The following CTNND1 variants were observed in gnomAD, a reference collection of about 807,000 sequenced individuals.
CTNND1 encodes catenin delta 1.
Under a neutral mutation model 112.1 loss-of-function variants are expected in CTNND1, and 16 were observed. That is an observed-to-expected ratio of 0.14 (90% confidence interval 0.10 to 0.22). The LOEUF is 0.22. CTNND1 is among the 10% of genes least tolerant of loss of function. The probability of loss-of-function intolerance (pLI) is 1.00; values close to 1 mark genes in which losing one functional copy is unlikely to be tolerated. For synonymous variants in CTNND1, 420 were observed against 446.5 expected, an observed-to-expected ratio of 0.94 and a Z score of 0.75; for missense variants, 1,008 against 1,257.0, an observed-to-expected ratio of 0.80 and a Z score of 3.00.
rs1441887619 is a variant in CTNND1, at chr11:57,796,611, C to T, written c.575C>T (p.Pro192Leu). The T allele has an allele frequency of 3.1e-6, 5 of 1,613,818 alleles. No individual in the cohort carries two copies. The highest frequency in any genetic ancestry group is 3.3e-5 in the Admixed American group (2 of 59,984). Residue 192 changes from proline (P) to leucine (L), a missense_variant, in exon 6 of 21, where the codon CCC (proline) becomes CTC (leucine). By Grantham distance (98) the Pro-to-Leu change is moderately conservative. Coordinates refer to ENST00000399050, the MANE Select transcript of CTNND1 (RefSeq NM_001085458.2). ...AAGAATGGCAATGGGGGACCTGGTC[C>T]CTATGTGGGGCAAGCTGGCACTGCT... ...FRKNGNGGPG[P>L]YVGQAGTATL...
At chr11:57,783,906 G>T (rs537138805) in intron 1 of CTNND1, among the ~76,000 whole-genome samples, 14 of 151,990 alleles carry the variant, frequency 9.2e-5, no homozygotes, top group Non-Finnish European at 1.2e-4. Flanking sequence ...AGGAGGCTTG[G>T]TATGCTATTT....
intron 1 of CTNND1, among the ~76,000 whole-genome samples, chr11:57,786,190 A>AT (rs10715396): frequency 5.9e-4 from 78 of 132,596 alleles, no homozygotes; most frequent in Middle Eastern, 4.1e-3. Flanking sequence ...GAATTCTTTG[A>AT]TTTTTTTTTT....
chr11:57,764,793 C>T (rs931862259), intron 1 of CTNND1, among the ~76,000 whole-genome samples: 1 of 152,116 alleles, frequency 6.6e-6, no homozygotes, highest in East Asian at 1.9e-4. Flanking sequence ...CTGCCATTCT[C>T]CAGAGAGAAT....
chr11:57,781,130 C>A (rs893123782), intron 1 of CTNND1, among the ~76,000 whole-genome samples: 1 of 152,002 alleles, frequency 6.6e-6, no homozygotes, highest in Non-Finnish European at 1.5e-5. Context: ...GCAGAGACAG[C>A]GTTTCACCAT....
Position 57,810,113 on chromosome 11 carries a change from C to G in CTNND1, c.2440C>G (p.Arg814Gly), listed in dbSNP as rs567503673. Residue 814 changes from arginine (R) to glycine (G), a missense_variant, in exon 16 of 21, where the codon CGC (arginine) becomes GGC (glycine). By Grantham distance (125) the Arg-to-Gly change is moderately radical. Coordinates refer to ENST00000399050, the MANE Select transcript of CTNND1 (RefSeq NM_001085458.2). Reference protein sequence around the residue: ...KLVLINKSGNRSEKEVRAAAL... With the variant: ...KLVLINKSGNGSEKEVRAAAL... ...TGGTGTTACTTTCCTCCAAAGGAAC[C>G]GCTCAGAAAAAGAAGTTCGAGCAGC... 6.2e-7 allele frequency: 1 copy of G among 1,607,512 alleles called. No homozygotes were observed. Among genetic ancestry groups the G allele is most frequent in the Non-Finnish European group, 8.5e-7 (1 of 1,177,718 alleles).
In CTNND1 at chr11:57,795,130, G is replaced by A. The variant is rs554898482; in HGVS notation, c.268-447G>A. On this transcript the variant is annotated intron_variant, in intron 4 of 20. Coordinates refer to ENST00000399050, the MANE Select transcript of CTNND1 (RefSeq NM_001085458.2). ...GATTGCTTGAGCCTGGGAGGTTGGG[G>A]CTCCAGTGAGCTATGATCATGCCAC... Among the ~76,000 whole-genome samples the A allele has an allele frequency of 4.6e-4, 70 of 152,290 alleles. 1 individual carries two copies. The South Asian group carries it at 0.014, about 31-fold the overall frequency.
chr11:57,777,490 G>A (rs1158847887), intron 1 of CTNND1, among the ~76,000 whole-genome samples: 2 of 152,072 alleles, frequency 1.3e-5, no homozygotes, highest in African/African-American at 2.4e-5. Flanking sequence ...GCCTGGTCTC[G>A]AACTCCTGAC....
chr11:57,773,536 C>T (rs1953325282), intron 1 of CTNND1, among the ~76,000 whole-genome samples: 1 of 151,458 alleles, frequency 6.6e-6, no homozygotes, highest in African/African-American at 2.4e-5. Flanking sequence ...ACTGCAACCT[C>T]CACCTCCTGG....
At chr11:57,797,312 C>T (rs1265596494) in intron 6 of CTNND1, among the ~76,000 whole-genome samples, 4 of 148,970 alleles carry the variant, frequency 2.7e-5, no homozygotes, top group East Asian at 4.0e-4. Flanking sequence ...CTCACTGCCA[C>T]CTCCGCCTCC....
chr11:57,801,829 T>A lies in CTNND1; in HGVS notation c.1053T>A (p.Asp351Glu). The change falls in exon 7 of 21, where the codon GAT becomes GAA. Residue 351 changes from aspartate to glutamate, a missense_variant. Physicochemically the swap from Asp to Glu is conservative, Grantham distance 45 (BLOSUM62 2). This residue lies in a region of CTNND1 where 216 missense variants were observed against 342.8 expected (regional missense o/e 0.63). Transcript: ENST00000399050. ...AGCGAGGAAGTTTAGCAAGCTTGGA[T>A]AGCCTGCGCAAAGGAGGGCCTCCAC... ...QHERGSLASLDSLRKGGPPPP... is the reference protein window; with the variant it reads ...QHERGSLASLESLRKGGPPPP... 1 of 1,614,012 alleles carries A rather than the reference T, an allele frequency of 6.2e-7. No individual in the cohort carries two copies. Among genetic ancestry groups the A allele is most frequent in the South Asian group, 1.1e-5 (1 of 91,086 alleles).
chr11:57,790,552 G>GTTTTT (rs150149378), intron 2 of CTNND1, among the ~76,000 whole-genome samples: 4 of 60,690 alleles, frequency 6.6e-5, no homozygotes, highest in African/African-American at 2.9e-4. Flanking sequence ...CTGTGTGTGT[G>GTTTTT]TTTTTTTTTT....
chr11:57,784,428 T>A (rs2059924217), intron 1 of CTNND1, among the ~76,000 whole-genome samples: 1 of 136,410 alleles, frequency 7.3e-6, no homozygotes. Context: ...AAAAAAAAAA[T>A]TCCCTAGAAC....
intron 1 of CTNND1, among the ~76,000 whole-genome samples, chr11:57,771,979 G>A (rs1351722522): frequency 1.3e-5 from 2 of 150,722 alleles, no homozygotes; most frequent in African/African-American, 4.9e-5. Flanking sequence ...TCTCGGCAGT[G>A]TTAACAATCT....
intron 1 of CTNND1, among the ~76,000 whole-genome samples, chr11:57,768,823 TG>T (rs1951799117): frequency 6.6e-6 from 1 of 152,138 alleles, no homozygotes; most frequent in Non-Finnish European, 1.5e-5. Flanking sequence ...AGCCAAGCTG[TG>T]GTCTGTGGGA....
At chr11:57,781,428 A>T (rs767769079) in intron 1 of CTNND1, among the ~76,000 whole-genome samples, 4 of 152,138 alleles carry the variant, frequency 2.6e-5, no homozygotes. Context: ...TTGCATTTCA[A>T]TGAGGCTTTT....
In CTNND1 at chr11:57,811,586, C is replaced by A; in HGVS notation, c.2638+100C>A. ...TATATATTATTTCTGAATTAGCTAGCCTTTTGTGGGAGGGGAATAATTTTC... is the reference window on the plus strand; with the variant it reads ...TATATATTATTTCTGAATTAGCTAGACTTTTGTGGGAGGGGAATAATTTTC... On this transcript the variant is annotated intron_variant, in intron 17 of 20. Coordinates refer to ENST00000399050, the MANE Select transcript of CTNND1 (RefSeq NM_001085458.2). 6 of 776,498 alleles carry A rather than the reference C, an allele frequency of 7.7e-6. No individual in the cohort carries two copies. In the South Asian group the frequency reaches 1.1e-4, roughly 14 times the overall value. 48.1% of individuals were successfully genotyped at this position (776,498 alleles called of 1,614,324 possible). A position where few individuals can be genotyped will look rare whatever the true frequency, so the allele number is the denominator to read the frequency against.
chr11:57,814,467 C>A (rs2137651692), intron 18 of CTNND1, 94 bp downstream of exon 18: 1 of 845,996 alleles, frequency 1.2e-6, no homozygotes. Flanking sequence ...AATACCCTTA[C>A]CATTTACCAT....
At chr11:57,783,112 C>T (rs1446934545) in intron 1 of CTNND1, among the ~76,000 whole-genome samples, 4 of 151,948 alleles carry the variant, frequency 2.6e-5, no homozygotes, top group East Asian at 3.9e-4. Context: ...GTGGTGAAAC[C>T]GTGTCTCTAC....
At chr11:57,814,050 C>A in intron 17 of CTNND1, 1 of 378,654 alleles carries the variant, frequency 2.6e-6, no homozygotes, top group African/African-American at 2.1e-5. Flanking sequence ...TGTGATGGCT[C>A]ACACCTGTAA....
Sources: gnomAD v4.1 joint callset for allele counts (sites outside exome capture counted in the v4.1 genomes callset) on GRCh38, gnomAD v4.1.1 for gene constraint, gnomAD v4.1.1 regional missense constraint, MANE v1.5 for transcripts, NCBI Gene and HGNC (gene_info 2026-07-23, HGNC 2026-07-21) for gene names.